CACNA1I: variants seen among roughly 807,000 people sequenced by gnomAD.
The protein encoded by CACNA1I is calcium voltage-gated channel subunit alpha1 I.
CACNA1I carries 74 observed loss-of-function variants against 201.6 expected under a neutral mutation model. That is an observed-to-expected ratio of 0.37 (90% CI 0.30 to 0.45). The LOEUF is 0.45. CACNA1I is among the 20% of genes least tolerant of loss of function. The pLI, the probability that CACNA1I is intolerant of heterozygous loss-of-function variation, is 1.00. For missense variants in CACNA1I, 2,346 were observed against 3,138.1 expected (o/e 0.75, Z 6.03); for synonymous variants, 1,431 against 1,345.2 (o/e 1.06, Z -1.40).
At chr22:39,579,589 A>G in intron 1 of CACNA1I, among the ~76,000 whole-genome samples, 1 of 151,852 alleles carries the variant, frequency 6.6e-6, no homozygotes, top group South Asian at 2.1e-4. Flanking sequence ...GTGGAAGGGC[A>G]AAGGGGAGAA....
rs1458071571 is a variant in CACNA1I, at chr22:39,665,621, G to A, written c.3975G>A (p.Val1325=). The A allele has an allele frequency of 2.5e-6, 4 of 1,613,616 alleles. No individual in the cohort carries two copies. Among genetic ancestry groups the A allele is most frequent in the African/African-American group, 1.3e-5 (1 of 74,914 alleles). ...TCATCATCTTTGGCATCCTGGGAGT[G>A]CAGGTGAGGGGTGCCCAGTCTGGGC... The part of the protein sequence containing the change: ...AFFIIFGILG[V]QLFKGKFYHC... Residue 1325 remains valine, a synonymous_variant, in exon 22 of 37, where the codon GTG becomes GTA. Transcript: ENST00000402142. The surrounding 1 kb of genome is among the most constrained non-coding windows in gnomAD (Gnocchi z 5.5).
intron 18 of CACNA1I, 149 bp downstream of exon 18, chr22:39,663,025 T>C: frequency 1.6e-6 from 1 of 622,762 alleles, no homozygotes; most frequent in Non-Finnish European, 2.9e-6. Flanking sequence ...CAGGGGAGAG[T>C]GCAGCCTCCT....
chr22:39,642,054 C>A (rs973586629), intron 6 of CACNA1I, among the ~76,000 whole-genome samples: 1 of 152,090 alleles, frequency 6.6e-6, no homozygotes, highest in South Asian at 2.1e-4. Flanking sequence ...GAGGGGGCAG[C>A]GGGAGGGCTG....
At chr22:39,655,265 G>GA (rs1418625092) in intron 10 of CACNA1I, among the ~76,000 whole-genome samples, 4 of 85,730 alleles carry the variant, frequency 4.7e-5, no homozygotes, top group Admixed American at 1.4e-4. Context: ...AGGGCTTCCC[G>GA]GGGGGCAGCT....
At chr22:39,678,894 C>A (rs555288457) in intron 31 of CACNA1I, among the ~76,000 whole-genome samples, 1 of 152,142 alleles carries the variant, frequency 6.6e-6, no homozygotes. Flanking sequence ...GAGGAGAGGG[C>A]GCTGGGCCAT....
intron 3 of CACNA1I, among the ~76,000 whole-genome samples, chr22:39,615,614 C>A (rs139747428): frequency 6.6e-6 from 1 of 152,194 alleles, no homozygotes; most frequent in Non-Finnish European, 1.5e-5. Flanking sequence ...GTGCTCTTCC[C>A]TCTTCCCTCC....
intron 3 of CACNA1I, among the ~76,000 whole-genome samples, chr22:39,618,513 G>A (rs966026249): frequency 6.6e-6 from 1 of 152,072 alleles, no homozygotes; most frequent in Non-Finnish European, 1.5e-5. Flanking sequence ...GATGGATGGT[G>A]GTGGCATTTC....
chr22:39,597,382 T>G (rs575734956), intron 1 of CACNA1I, among the ~76,000 whole-genome samples: 7 of 152,020 alleles, frequency 4.6e-5, no homozygotes, highest in Non-Finnish European at 8.8e-5. Flanking sequence ...AGGGCATTCA[T>G]GGAGGGGCTC....
At chr22:39,660,308 C>G in intron 14 of CACNA1I, 36 bp from the exon 15 acceptor site, 1 of 1,536,402 alleles carries the variant, frequency 6.5e-7, no homozygotes, top group South Asian at 1.2e-5. Context: ...AGGAGCTGGA[C>G]TGACCTGCAT....
In CACNA1I at chr22:39,662,366, C is replaced by T. The variant is rs1179426319; in HGVS notation, c.3303C>T (p.Ile1101=). ...ACTGCAATGGCAGGATGCCCAGCAT[C>T]GCCAAAGACGTCTTCACCAAGATGG... is the stretch of plus-strand genomic sequence containing the variant. ...HEDCNGRMPS[I]AKDVFTKMGD... The change falls in exon 17 of 37, where the codon ATC becomes ATT. Residue 1101 remains isoleucine (I), a synonymous_variant. Coordinates refer to ENST00000402142, the MANE Select transcript of CACNA1I (RefSeq NM_021096.4). 2.7e-6 allele frequency: 4 copies of T among 1,482,176 alleles called. No homozygotes were observed. The highest frequency in any genetic ancestry group is 3.6e-6 in the Non-Finnish European group (4 of 1,124,058). The allele number at this position is 1,482,176 out of a possible 1,614,324, so 91.8% of individuals were successfully genotyped here.
chr22:39,681,089 G>T, intron 34 of CACNA1I, 37 bp downstream of exon 34: 1 of 1,579,098 alleles, frequency 6.3e-7, no homozygotes, highest in Non-Finnish European at 8.6e-7. Context: ...AGGCGGGTCT[G>T]TCCTTGAAAC....
At chr22:39,636,517 G>A (rs950152801) in intron 5 of CACNA1I, among the ~76,000 whole-genome samples, 1 of 152,292 alleles carries the variant, frequency 6.6e-6, no homozygotes, top group African/African-American at 2.4e-5. Flanking sequence ...TCGGTGTTGC[G>A]TGAAAAAGGA....
rs566320748 is a variant in CACNA1I at position 39,616,163 on chromosome 22, C to T, written c.483-3147C>T. Among the ~76,000 whole-genome samples, 6 of 152,282 alleles carry T rather than the reference C, an allele frequency of 3.9e-5. No individual in the cohort carries two copies. In the South Asian group the frequency reaches 6.2e-4, roughly 16 times the overall value. ...GCCAATGTGTTGCTCCAGGCCTGCC[C>T]TATTTGGACCAGCTCAGAGTGTTTG... On this transcript the variant is annotated intron_variant, in intron 3 of 36. Coordinates refer to ENST00000402142, the MANE Select transcript of CACNA1I (RefSeq NM_021096.4).
rs137964456 is a variant in CACNA1I at position 39,645,829 on chromosome 22, A to C, written c.1150-740A>C. ...AGCCCTCGGGCCACAAGGAGATGGGATCCCCAATGCCAACCAGGGCAGCCT... is the reference window on the plus strand; with the variant it reads ...AGCCCTCGGGCCACAAGGAGATGGGCTCCCCAATGCCAACCAGGGCAGCCT... On this transcript the variant is annotated intron_variant, in intron 7 of 36. Transcript: ENST00000402142. 1.2e-3 allele frequency among the ~76,000 whole-genome samples: 181 copies of C among 152,324 alleles called. 2 individuals are homozygous for C. Among genetic ancestry groups the C allele is most frequent in the African/African-American group, 4.2e-3 (173 of 41,580 alleles).
Position 39,570,925 on chromosome 22 carries a change from CCTT to C in CACNA1I, c.179_181del (p.Phe60del). On this transcript the variant is annotated inframe_deletion, in exon 1 of 37. Coordinates refer to ENST00000402142, the MANE Select transcript of CACNA1I (RefSeq NM_021096.4). Reference sequence around the variant, plus strand: ...CCACACCCAGACCTGGCGCCTATTGCCTTCTTCTGCCTGCGACAGACCACCAGC... The same window carrying C: ...CCACACCCAGACCTGGCGCCTATTGCCTTCTGCCTGCGACAGACCACCAGC... 1 of 1,613,810 alleles carries C rather than the reference CCTT, an allele frequency of 6.2e-7. No homozygotes were observed. Among genetic ancestry groups the C allele is most frequent in the Non-Finnish European group, 8.5e-7 (1 of 1,179,858 alleles).
intron 4 of CACNA1I, among the ~76,000 whole-genome samples, chr22:39,631,271 C>T (rs544563882): frequency 6.2e-4 from 95 of 152,166 alleles, no homozygotes; most frequent in Non-Finnish European, 1.3e-3. Context: ...GTGCTCTGGG[C>T]GCTCACCGGG....
chr22:39,661,170 G>C lies in CACNA1I; in HGVS notation c.2761G>C (p.Gly921Arg). 6.2e-7 allele frequency: 1 copy of C among 1,613,132 alleles called. No homozygotes were observed. The highest frequency in any genetic ancestry group is 8.5e-7 in the Non-Finnish European group (1 of 1,179,726). ...NGHLDPSLPL[G>R]GHLGPAGAAG... ...GCACCTGGACCCCAGTCTCCCACTG[G>C]GTGGGCACCTAGGTCCTGCTGGGGC... Residue 921 changes from glycine to arginine, a missense_variant, in exon 16 of 37, where the codon GGT becomes CGT. Coordinates refer to ENST00000402142, the MANE Select transcript of CACNA1I (RefSeq NM_021096.4).
intron 8 of CACNA1I, among the ~76,000 whole-genome samples, chr22:39,647,289 C>G (rs190025610): frequency 1.8e-3 from 281 of 152,350 alleles, no homozygotes; most frequent in Admixed American, 6.1e-3. Context: ...CCCTGCTTTC[C>G]AGCACACCTG....
At chr22:39,571,330 G>C (rs746988902) in intron 1 of CACNA1I, among the ~76,000 whole-genome samples, 2 of 152,140 alleles carry the variant, frequency 1.3e-5, no homozygotes, top group African/African-American at 2.4e-5. Flanking sequence ...CTGATGGGCC[G>C]TGACCATACA....
Sources: gnomAD v4.1 joint callset for allele counts (sites outside exome capture counted in the v4.1 genomes callset) on GRCh38, gnomAD v4.1.1 for gene constraint, Gnocchi (gnomAD v3.1) non-coding constraint, MANE v1.5 for transcripts, NCBI Gene and HGNC (gene_info 2026-07-23, HGNC 2026-07-21) for gene names.